ASTN1: variants seen among roughly 807,000 people sequenced by gnomAD.
The protein encoded by ASTN1 is astrotactin 1.
In ASTN1, 41 loss-of-function variants were observed where a neutral mutation model predicts 140.7. The ratio of observed to expected loss-of-function variants is 0.29; its 90% confidence interval spans 0.23 to 0.38. The LOEUF is 0.38. Ranked by LOEUF, ASTN1 falls within the 10% of genes least tolerant of loss-of-function variation. The probability of loss-of-function intolerance (pLI) is 1.00; values close to 1 mark genes in which losing one functional copy is unlikely to be tolerated. For missense variants in ASTN1, 1,479 were observed against 1,678.8 expected (o/e 0.88, Z 2.08); for synonymous variants, 640 against 652.2 (o/e 0.98, Z 0.29).
At chr1:176,965,642 AT>A (rs3215470) in intron 8 of ASTN1, among the ~76,000 whole-genome samples, 34,993 of 152,058 alleles carry the variant, frequency 0.23, 4,309 homozygotes, top group African/African-American at 0.32. Context: ...TCATTCTCAC[AT>A]TTGAATCAAC....
chr1:176,877,859 TCC>T (rs1668626919), intron 20 of ASTN1, among the ~76,000 whole-genome samples: 1 of 152,132 alleles, frequency 6.6e-6, no homozygotes, highest in Non-Finnish European at 1.5e-5. Flanking sequence ...GACACAGTGG[TCC>T]AGTTAAATGT....
chr1:176,983,722 C>G (rs891745144), intron 8 of ASTN1, among the ~76,000 whole-genome samples: 1 of 152,184 alleles, frequency 6.6e-6, no homozygotes, highest in African/African-American at 2.4e-5. Flanking sequence ...GCAACTCACT[C>G]ATCAGCTCAA....
At chr1:177,041,558 T>A (rs945129109) in intron 2 of ASTN1, among the ~76,000 whole-genome samples, 6 of 152,158 alleles carry the variant, frequency 3.9e-5, no homozygotes, top group African/African-American at 1.4e-4. Flanking sequence ...TAAATAAATA[T>A]CGCCAGCTGG....
intron 1 of ASTN1, among the ~76,000 whole-genome samples, chr1:177,093,199 A>T (rs1488794522): frequency 6.6e-6 from 1 of 152,208 alleles, no homozygotes; most frequent in Non-Finnish European, 1.5e-5. Flanking sequence ...TCCCTTTCAC[A>T]TTTCAACCAC....
intron 16 of ASTN1, among the ~76,000 whole-genome samples, chr1:176,914,753 A>T (rs6677171): frequency 0.2 from 30,548 of 152,178 alleles, 3,324 homozygotes; most frequent in Middle Eastern, 0.26. Flanking sequence ...CAACAATGCG[A>T]CCTTGGAGGT....
chr1:177,063,784 C>G (rs985208579), intron 1 of ASTN1, among the ~76,000 whole-genome samples: 1 of 152,150 alleles, frequency 6.6e-6, no homozygotes, highest in African/African-American at 2.4e-5. Flanking sequence ...ACTCTGTCTC[C>G]TAACCCTGGA....
At chr1:177,015,397 C>G (rs1242057862) in intron 7 of ASTN1, among the ~76,000 whole-genome samples, 1 of 152,184 alleles carries the variant, frequency 6.6e-6, no homozygotes, top group Non-Finnish European at 1.5e-5. Context: ...AATGTTTGAG[C>G]CTATGTCTGT....
At position 177,032,865 on chromosome 1, in the gene ASTN1, C is replaced by A. The variant is rs745477648; in HGVS notation, c.472-16G>T. The A allele has an allele frequency of 6.4e-7, 1 of 1,573,898 alleles. No homozygotes were observed. Among genetic ancestry groups the A allele is most frequent in the Non-Finnish European group, 8.6e-7 (1 of 1,158,946 alleles). On this transcript the variant is annotated splice_polypyrimidine_tract_variant and intron_variant, in intron 2 of 22. Transcript: ENST00000361833. ...TCATGCCACCCTAGGAAGAGAGGACCACAGATGGATGTGGGAAGATGGGTA... is the reference window on the plus strand; with the variant it reads ...TCATGCCACCCTAGGAAGAGAGGACAACAGATGGATGTGGGAAGATGGGTA...
intron 1 of ASTN1, among the ~76,000 whole-genome samples, chr1:177,124,324 G>A (rs1681540771): frequency 6.6e-6 from 1 of 152,178 alleles, no homozygotes; most frequent in Non-Finnish European, 1.5e-5. Flanking sequence ...TAATGAAACT[G>A]AGGCTGATAG....
chr1:177,110,383 T>C (rs1680764906), intron 1 of ASTN1, among the ~76,000 whole-genome samples: 1 of 152,230 alleles, frequency 6.6e-6, no homozygotes, highest in Non-Finnish European at 1.5e-5. Flanking sequence ...TACATCATTG[T>C]ACCGTTTTGG....
chr1:176,957,555 C>CTA, intron 11 of ASTN1, 123 bp downstream of exon 11: 1 of 1,265,016 alleles, frequency 7.9e-7, no homozygotes, highest in Non-Finnish European at 1.1e-6. Flanking sequence ...CTAATTTACA[C>CTA]TAAATGGTGT....
intron 2 of ASTN1, among the ~76,000 whole-genome samples, chr1:177,045,888 C>G (rs1300917854): frequency 1.6e-5 from 2 of 121,686 alleles, no homozygotes; most frequent in Non-Finnish European, 3.7e-5. Flanking sequence ...CTAATTATAT[C>G]TACAGACATG....
chr1:176,958,497 A>G lies in ASTN1; in HGVS notation c.1599-15T>C, dbSNP rs535657562. 5.0e-6 allele frequency: 8 copies of G among 1,602,782 alleles called. No individual in the cohort carries two copies. In the African/African-American group the frequency reaches 8.0e-5, roughly 16 times the overall value. On this transcript the variant is annotated splice_polypyrimidine_tract_variant and intron_variant, in intron 9 of 22. Coordinates refer to ENST00000361833, the MANE Select transcript of ASTN1 (RefSeq NM_004319.3). The stretch of plus-strand genomic sequence containing the variant: ...TGTAGGTGAATCTGCAGGGACACCC[A>G]GTGCCAGGTGGTCATGACTGGGGGC...
At chr1:177,017,828 G>C (rs1313899325) in intron 7 of ASTN1, among the ~76,000 whole-genome samples, 6 of 152,278 alleles carry the variant, frequency 3.9e-5, no homozygotes, top group African/African-American at 1.4e-4. Context: ...GACGCCTCGA[G>C]GTACCTTGGA....
At chr1:176,957,880 C>A in intron 10 of ASTN1, 52 bp from the exon 11 acceptor site, 1 of 1,573,142 alleles carries the variant, frequency 6.4e-7, no homozygotes, top group South Asian at 1.2e-5. Flanking sequence ...ATTCCAGATG[C>A]AACAAGTGGC....
At position 177,149,933 on chromosome 1, in the gene ASTN1, A is replaced by G. The variant is rs1682956030; in HGVS notation, c.283+14461T>C. Among the ~76,000 whole-genome samples the G allele has an allele frequency of 5.3e-5, 8 of 149,844 alleles. No individual in the cohort carries two copies. The South Asian group carries it at 1.7e-3, about 31-fold the overall frequency. ...ATATAAAGTTCCTAGAAGAGATCAA[A>G]CTCCTGGTTCTGTAAAGACAGGATT... On this transcript the variant is annotated intron_variant, in intron 1 of 22. Coordinates refer to ENST00000361833, the MANE Select transcript of ASTN1 (RefSeq NM_004319.3).
intron 5 of ASTN1, 142 bp downstream of exon 5, chr1:177,029,492 C>T (rs1427093834): frequency 2.4e-6 from 2 of 843,482 alleles, no homozygotes; most frequent in Non-Finnish European, 4.1e-6. Flanking sequence ...GGAGGAAACA[C>T]CAGTTGTGGT....
In ASTN1 at chr1:176,935,761, TTCTC is replaced by T. The variant is rs879671358; in HGVS notation, c.2482+501_2482+504del. On this transcript the variant is annotated intron_variant, in intron 15 of 22. Transcript: ENST00000361833. ...CTAATATCTATTTCTCTCTCTCTCT[TTCTC>T]TCTCTCTCTCTCTCTCTTTCTCTCA... is the stretch of plus-strand genomic sequence containing the variant. Among the ~76,000 whole-genome samples, 522 of 148,826 alleles carry T rather than the reference TTCTC, an allele frequency of 3.5e-3. 2 individuals are homozygous for T. Among genetic ancestry groups the T allele is most frequent in the African/African-American group, 0.011 (437 of 40,736 alleles).
At chr1:177,149,429 A>C (rs1430164133) in intron 1 of ASTN1, among the ~76,000 whole-genome samples, 1 of 79,894 alleles carries the variant, frequency 1.3e-5, no homozygotes, top group East Asian at 3.9e-4. Context: ...GTATATATAT[A>C]GTAAATATAT....
Sources: allele counts gnomAD v4.1 joint callset (sites outside exome capture counted in the v4.1 genomes callset), GRCh38; gene constraint gnomAD v4.1.1; transcripts MANE v1.5; gene names NCBI Gene and HGNC (gene_info 2026-07-23, HGNC 2026-07-21).